Variants in CNTN5 observed in about 807,000 individuals in gnomAD.
CNTN5 encodes contactin 5.
Under a neutral mutation model 129.1 loss-of-function variants are expected in CNTN5, and 77 were observed. That is an observed-to-expected ratio of 0.60 (90% CI 0.50 to 0.72). CNTN5 has a LOEUF of 0.72. Ranked by LOEUF, CNTN5 falls within the 30% of genes least tolerant of loss-of-function variation. The pLI, the probability that CNTN5 is intolerant of heterozygous loss-of-function variation, is 0.00. For synonymous variants in CNTN5, 509 were observed against 465.6 expected (o/e 1.09, Z -1.20); for missense variants, 1,478 against 1,328.8 (o/e 1.11, Z -1.75).
intron 3 of CNTN5, among the ~76,000 whole-genome samples, chr11:99,723,130 C>T (rs1943227315): frequency 6.6e-6 from 1 of 151,986 alleles, no homozygotes; most frequent in Admixed American, 6.6e-5. Flanking sequence ...TACTTACTCC[C>T]TTAATTAGGA....
At chr11:99,283,968 CAT>C (rs1387324852) in intron 1 of CNTN5, among the ~76,000 whole-genome samples, 1 of 152,142 alleles carries the variant, frequency 6.6e-6, no homozygotes, top group Non-Finnish European at 1.5e-5. Flanking sequence ...GTATTAAAAA[CAT>C]ATGCATCTGA....
chr11:99,645,384 C>T (rs897888445), intron 3 of CNTN5, among the ~76,000 whole-genome samples: 3 of 151,686 alleles, frequency 2.0e-5, no homozygotes, highest in Non-Finnish European at 4.4e-5. Context: ...TACCCAGTAC[C>T]CAGTAATGGG....
rs371747836 is a variant in CNTN5, at chr11:99,182,739, C to A, written c.-209-142607C>A. Among the ~76,000 whole-genome samples the A allele has an allele frequency of 4.1e-4, 62 of 152,182 alleles. 2 individuals are homozygous for A. In the South Asian group the frequency reaches 0.012, roughly 29 times the overall value. On this transcript the variant is annotated intron_variant, in intron 1 of 24. Transcript: ENST00000524871. Reference sequence around the variant, plus strand: ...CGGGCTCCTTTATTTAGTCGTCAAGCCAGTATATACCAATAACATTGTAAC... The same window carrying A: ...CGGGCTCCTTTATTTAGTCGTCAAGACAGTATATACCAATAACATTGTAAC...
At chr11:99,370,251 G>A (rs1591585781) in intron 2 of CNTN5, among the ~76,000 whole-genome samples, 1 of 152,160 alleles carries the variant, frequency 6.6e-6, no homozygotes, top group Admixed American at 6.5e-5. Flanking sequence ...TACACAATAG[G>A]TTATCTTTGG....
rs539543195 is a variant in CNTN5 at position 99,626,154 on chromosome 11, C to T, written c.55+69885C>T. Among the ~76,000 whole-genome samples the T allele has an allele frequency of 2.6e-5, 4 of 151,890 alleles. No homozygotes were observed. The South Asian group carries it at 6.2e-4, about 24-fold the overall frequency. On this transcript the variant is annotated intron_variant, in intron 3 of 24. Transcript: ENST00000524871. ...TTGCAGGAAGAAGGAGTCATGCAAG[C>T]GAAGACATGCACAGAGGGTGACATT...
intron 1 of CNTN5, among the ~76,000 whole-genome samples, chr11:99,191,337 A>G (rs1028418472): frequency 1.3e-5 from 2 of 151,756 alleles, no homozygotes; most frequent in Non-Finnish European, 3.0e-5. Context: ...CAGGGTAATG[A>G]TGACCTGGTA....
chr11:100,071,638 G>C (rs1943927359), intron 11 of CNTN5, 67 bp from the exon 12 acceptor site: 2 of 1,275,672 alleles, frequency 1.6e-6, no homozygotes, highest in Non-Finnish European at 2.1e-6. Context: ...TAGTCTAGGA[G>C]AGAATACCCA....
chr11:99,960,592 C>A (rs943387809), intron 8 of CNTN5, among the ~76,000 whole-genome samples: 7 of 151,664 alleles, frequency 4.6e-5, no homozygotes, highest in East Asian at 3.9e-4. Flanking sequence ...TTAAATATAA[C>A]CTAAAGAAAA....
At chr11:99,782,851 G>T (rs994970141) in intron 3 of CNTN5, among the ~76,000 whole-genome samples, 153 of 151,784 alleles carry the variant, frequency 1.0e-3, no homozygotes, top group African/African-American at 3.4e-3. Flanking sequence ...AGACTTAAAC[G>T]TTAGACCTAA....
intron 6 of CNTN5, among the ~76,000 whole-genome samples, chr11:99,907,963 G>C (rs902266091): frequency 6.6e-6 from 1 of 151,950 alleles, no homozygotes; most frequent in African/African-American, 2.4e-5. Context: ...AACTAAGTTC[G>C]AAATTATAGG....
At chr11:99,862,677 C>G (rs1948244857) in intron 6 of CNTN5, among the ~76,000 whole-genome samples, 1 of 151,968 alleles carries the variant, frequency 6.6e-6, no homozygotes, top group African/African-American at 2.4e-5. Context: ...TGGTAAATCA[C>G]TGGTAAACAA....
intron 13 of CNTN5, among the ~76,000 whole-genome samples, chr11:100,158,177 TGATCTATCTA>T (rs981578321): frequency 7.2e-5 from 11 of 151,870 alleles, no homozygotes; most frequent in African/African-American, 1.9e-4. Flanking sequence ...AAGCTAAAAA[TGATCTATCTA>T]GATTTACAGT....
At chr11:99,146,711 A>G (rs17396650) in intron 1 of CNTN5, among the ~76,000 whole-genome samples, 5,715 of 152,168 alleles carry the variant, frequency 0.038, 239 homozygotes, top group African/African-American at 0.099. Context: ...AGAACTTTAA[A>G]GAGAAAGAAT....
chr11:99,374,343 G>A (rs55970339), intron 2 of CNTN5, among the ~76,000 whole-genome samples: 2 of 152,002 alleles, frequency 1.3e-5, no homozygotes, highest in East Asian at 3.8e-4. Flanking sequence ...CAGATACATC[G>A]GAACCTTGGC....
chr11:99,791,540 T>A (rs567187535), intron 3 of CNTN5, among the ~76,000 whole-genome samples: 1 of 151,852 alleles, frequency 6.6e-6, no homozygotes, highest in Admixed American at 6.5e-5. Flanking sequence ...GTTTTGAAGT[T>A]GGGTCACGTG....
chr11:99,262,710 A>T (rs2135828514), intron 1 of CNTN5, among the ~76,000 whole-genome samples: 1 of 151,964 alleles, frequency 6.6e-6, no homozygotes, highest in Admixed American at 6.6e-5. Context: ...GTTATGTAAA[A>T]ACTTGTTTTA....
chr11:99,806,537 A>G (rs1374914000), intron 3 of CNTN5, among the ~76,000 whole-genome samples: 3 of 152,188 alleles, frequency 2.0e-5, no homozygotes, highest in South Asian at 4.1e-4. Flanking sequence ...GGTCGTGTGC[A>G]GTGGCTCATG....
intron 6 of CNTN5, among the ~76,000 whole-genome samples, chr11:99,876,754 G>T (rs574287139): frequency 6.6e-6 from 1 of 152,252 alleles, no homozygotes; most frequent in East Asian, 1.9e-4. Context: ...GAACAAGGCA[G>T]ATTATTCAGT....
intron 21 of CNTN5, among the ~76,000 whole-genome samples, chr11:100,322,191 C>A (rs1951709117): frequency 6.6e-6 from 1 of 151,448 alleles, no homozygotes; most frequent in South Asian, 2.1e-4. Context: ...TGGTAAGAGT[C>A]ACCCATATTG....
Sources: allele counts gnomAD v4.1 joint callset (sites outside exome capture counted in the v4.1 genomes callset), GRCh38; gene constraint gnomAD v4.1.1; transcripts MANE v1.5; gene names NCBI Gene and HGNC (gene_info 2026-07-23, HGNC 2026-07-21).